RORA: variants seen among roughly 807,000 people sequenced by gnomAD.
RORA encodes the protein nuclear receptor ROR-alpha.
Under a neutral mutation model 69.5 loss-of-function variants are expected in RORA, and 7 were observed. That is an observed-to-expected ratio of 0.10 (90% CI 0.06 to 0.19). The LOEUF is 0.19. RORA is among the 10% of genes least tolerant of loss of function. The probability of loss-of-function intolerance (pLI) is 1.00; values close to 1 mark genes in which losing one functional copy is unlikely to be tolerated. For synonymous variants in RORA, 261 were observed against 240.8 expected (o/e 1.08, Z -0.78); for missense variants, 457 against 663.0 (o/e 0.69, Z 3.41).
chr15:61,220,641 G>A (rs1258831513), intron 1 of RORA, among the ~76,000 whole-genome samples: 4 of 152,028 alleles, frequency 2.6e-5, no homozygotes, highest in African/African-American at 7.3e-5. Context: ...CAATAAACAC[G>A]GCTGCCAATT....
chr15:61,067,109 TTTTTC>T (rs2140571370), intron 1 of RORA, among the ~76,000 whole-genome samples: 2 of 151,284 alleles, frequency 1.3e-5, no homozygotes, highest in Admixed American at 1.3e-4. Context: ...GTCTAAACTT[TTTTTC>T]TTTTTTTTTT....
chr15:60,576,080 C>A (rs2068017439), intron 2 of RORA, among the ~76,000 whole-genome samples: 1 of 152,208 alleles, frequency 6.6e-6, no homozygotes, highest in South Asian at 2.1e-4. Context: ...TGAAATGGGG[C>A]CATCTCATTC....
intron 1 of RORA, among the ~76,000 whole-genome samples, chr15:60,742,448 G>T (rs1373772063): frequency 1.3e-5 from 2 of 152,160 alleles, no homozygotes; most frequent in Non-Finnish European, 2.9e-5. Context: ...CAAAATCACA[G>T]CAAGCTGTTT....
intron 1 of RORA, among the ~76,000 whole-genome samples, chr15:60,980,356 C>T (rs901335739): frequency 6.6e-6 from 1 of 151,952 alleles, no homozygotes; most frequent in Non-Finnish European, 1.5e-5. Flanking sequence ...CTTGGGATAC[C>T]TTTTTCTGGT....
intron 8 of RORA, 34 bp downstream of exon 8, chr15:60,502,726 G>A (rs183353060): frequency 7.7e-7 from 1 of 1,300,000 alleles, no homozygotes; most frequent in East Asian, 2.3e-5. Context: ...CTATAGCCCT[G>A]ATTTGAAGAA....
chr15:61,075,672 T>A (rs898243117), intron 1 of RORA, among the ~76,000 whole-genome samples: 2 of 152,214 alleles, frequency 1.3e-5, no homozygotes, highest in African/African-American at 4.8e-5. Flanking sequence ...CTGAGTCTAA[T>A]GAGGTTAATG....
intron 1 of RORA, among the ~76,000 whole-genome samples, chr15:60,727,369 T>G (rs1358400907): frequency 1.3e-5 from 2 of 152,104 alleles, no homozygotes; most frequent in African/African-American, 2.4e-5. Context: ...GACCCCTGCT[T>G]AGATTTACCT....
In RORA at chr15:60,489,454, T is replaced by C. The variant is rs2065006770; in HGVS notation, c.*8001A>G. ...TAAAGATCTTACAAATTCAGTAATA[T>C]TACAGAACAATTCTAATCAATATTT... On this transcript the variant is annotated 3_prime_UTR_variant, in exon 11 of 11. Transcript: ENST00000335670. 1 of 152,234 alleles carries C rather than the reference T, an allele frequency of 6.6e-6. No homozygotes were observed. Among genetic ancestry groups the C allele is most frequent in the Non-Finnish European group, 1.5e-5 (1 of 68,034 alleles). The allele number at this position is 152,234 out of a possible 1,614,324, so 9.4% of individuals were successfully genotyped here. A position where few individuals can be genotyped will look rare whatever the true frequency, so the allele number is the denominator to read the frequency against.
intron 1 of RORA, among the ~76,000 whole-genome samples, chr15:60,898,165 G>T (rs572106299): frequency 5.9e-5 from 9 of 152,174 alleles, no homozygotes; most frequent in Admixed American, 1.3e-4. Flanking sequence ...GGCCAAAGAA[G>T]CAGAGGCTCA....
At chr15:60,657,260 C>T (rs1474445723) in intron 2 of RORA, among the ~76,000 whole-genome samples, 1 of 152,110 alleles carries the variant, frequency 6.6e-6, no homozygotes, top group Non-Finnish European at 1.5e-5. Flanking sequence ...CTCCCTCTCC[C>T]CATCCCTCTC....
At chr15:60,551,906 T>C (rs1029464883) in intron 2 of RORA, among the ~76,000 whole-genome samples, 1 of 152,220 alleles carries the variant, frequency 6.6e-6, no homozygotes, top group Non-Finnish European at 1.5e-5. Flanking sequence ...AACCTCCTCA[T>C]TTCACAGAGA....
chr15:61,134,335 A>G (rs546960098), intron 1 of RORA, among the ~76,000 whole-genome samples: 2 of 152,192 alleles, frequency 1.3e-5, no homozygotes, highest in Non-Finnish European at 2.9e-5. Context: ...TAGTCCAGTA[A>G]CAACAAAGAG....
intron 1 of RORA, among the ~76,000 whole-genome samples, chr15:61,118,419 T>C (rs2079069378): frequency 6.6e-6 from 1 of 152,202 alleles, no homozygotes; most frequent in Admixed American, 6.5e-5. Flanking sequence ...GTGAGTTCTT[T>C]TGCATCTCTG....
chr15:60,630,428 T>G (rs1376417986), intron 2 of RORA: 2 of 152,234 alleles, frequency 1.3e-5, no homozygotes, highest in Non-Finnish European at 2.9e-5. Context: ...CTCTGCTATT[T>G]TTCATCCAAC....
At position 61,064,754 on chromosome 15, in the gene RORA, C is replaced by G. The variant is rs551068924; in HGVS notation, c.166+164299G>C. Among the ~76,000 whole-genome samples, 60 of 152,254 alleles carry G rather than the reference C, an allele frequency of 3.9e-4. No homozygotes were observed. In the South Asian group the frequency reaches 5.2e-3, roughly 13 times the overall value. On this transcript the variant is annotated intron_variant, in intron 1 of 10. Coordinates refer to ENST00000335670, the MANE Select transcript of RORA (RefSeq NM_134261.3). ...TGTGCCTCCCCCAGTCATTGGGAAG[C>G]ATGAAAAGCTACTGCCCAATCCCCC...
chr15:60,978,485 T>G lies in RORA; in HGVS notation c.166+250568A>C, dbSNP rs558185867. Reference sequence around the variant, plus strand: ...TTCTATGGGTTGCTTTTCACTTTCTTGGTAGTGTCCATTGATTCACAAAAG... The same window carrying G: ...TTCTATGGGTTGCTTTTCACTTTCTGGGTAGTGTCCATTGATTCACAAAAG... On this transcript the variant is annotated intron_variant, in intron 1 of 10. Transcript: ENST00000335670. 2.0e-5 allele frequency among the ~76,000 whole-genome samples: 3 copies of G among 152,356 alleles called. No homozygotes were observed. In the South Asian group the frequency reaches 6.2e-4, roughly 32 times the overall value.
intron 1 of RORA, among the ~76,000 whole-genome samples, chr15:60,693,218 A>G (rs2070854627): frequency 6.6e-6 from 1 of 152,250 alleles, no homozygotes; most frequent in Non-Finnish European, 1.5e-5. Context: ...ATCTCAGCAG[A>G]TGCAGAAAAG....
intron 1 of RORA, among the ~76,000 whole-genome samples, chr15:60,942,969 T>C (rs949372066): frequency 6.6e-6 from 1 of 152,256 alleles, no homozygotes; most frequent in Non-Finnish European, 1.5e-5. Flanking sequence ...TTATTAGATT[T>C]TCTTTTCTGC....
At chr15:61,096,661 A>G (rs1027430010) in intron 1 of RORA, among the ~76,000 whole-genome samples, 1 of 152,312 alleles carries the variant, frequency 6.6e-6, no homozygotes, top group Middle Eastern at 3.4e-3. Flanking sequence ...CCTTGCACAC[A>G]GCTGCCCGTG....
Sources: gnomAD v4.1 joint callset for allele counts (sites outside exome capture counted in the v4.1 genomes callset) on GRCh38, gnomAD v4.1.1 for gene constraint, MANE v1.5 for transcripts, NCBI Gene and HGNC (gene_info 2026-07-23, HGNC 2026-07-21) for gene names.